PLCE1: variants seen among roughly 807,000 people sequenced by gnomAD.
PLCE1 encodes 1-phosphatidylinositol 4,5-bisphosphate phosphodiesterase epsilon-1.
In PLCE1, 119 loss-of-function variants were observed where a neutral mutation model predicts 242.8. The ratio of observed to expected loss-of-function variants is 0.49; its 90% CI spans 0.42 to 0.57. PLCE1 has a LOEUF of 0.57. PLCE1 is among the 20% of genes least tolerant of loss of function. The pLI is 0.00. For missense variants in PLCE1, 2,441 were observed against 2,788.8 expected, an observed-to-expected ratio of 0.88 and a Z score of 2.81; for synonymous variants, 945 against 1,017.4, an observed-to-expected ratio of 0.93 and a Z score of 1.35.
intron 24 of PLCE1, among the ~76,000 whole-genome samples, chr10:94,304,242 ACT>A (rs1181500092): frequency 6.6e-6 from 1 of 152,214 alleles, no homozygotes; most frequent in Non-Finnish European, 1.5e-5. Context: ...ATATCCATAG[ACT>A]GTAAGCCCCA....
At chr10:94,093,528 AAC>A (rs757535319) in intron 2 of PLCE1, among the ~76,000 whole-genome samples, 4 of 152,240 alleles carry the variant, frequency 2.6e-5, no homozygotes, top group Non-Finnish European at 5.9e-5. Flanking sequence ...CAGCCTCAGA[AAC>A]AGACAGTCAG....
At chr10:94,286,162 T>C (rs2052439929) in intron 22 of PLCE1, among the ~76,000 whole-genome samples, 2 of 152,332 alleles carry the variant, frequency 1.3e-5, no homozygotes, top group East Asian at 3.9e-4. Flanking sequence ...GTGGCTGAGA[T>C]AGGAGGATCA....
intron 2 of PLCE1, among the ~76,000 whole-genome samples, chr10:94,093,313 A>G (rs2045150349): frequency 6.6e-6 from 1 of 152,246 alleles, no homozygotes; most frequent in African/African-American, 2.4e-5. Context: ...AAACCATGTC[A>G]TGTCACTGTT....
chr10:94,296,330 C>A (rs1473589592), intron 23 of PLCE1, among the ~76,000 whole-genome samples: 3 of 146,292 alleles, frequency 2.1e-5, no homozygotes, highest in Non-Finnish European at 3.0e-5. Flanking sequence ...CGCACCACTG[C>A]ACTCCAACTT....
chr10:94,260,892 A>G (rs1313183270), intron 13 of PLCE1, among the ~76,000 whole-genome samples: 4 of 152,104 alleles, frequency 2.6e-5, no homozygotes, highest in African/African-American at 9.7e-5. Flanking sequence ...CAGAGTTCCA[A>G]TATACTCTCT....
rs367775010 is a variant in PLCE1, at chr10:94,171,502, A to C, written c.1809+6A>C. The stretch of plus-strand genomic sequence containing the variant: ...TGGTGATGAGGTTTAATGAGGTAAG[A>C]AGCCACTTTTTGATGTCTTGGTATT... On this transcript the variant is annotated splice_donor_region_variant and intron_variant, in intron 4 of 32. Transcript: ENST00000371380. 1 of 1,611,542 alleles carries C rather than the reference A, an allele frequency of 6.2e-7. No individual in the cohort carries two copies. Among genetic ancestry groups the C allele is most frequent in the Non-Finnish European group, 8.5e-7 (1 of 1,177,646 alleles).
At chr10:94,227,024 C>G in intron 4 of PLCE1, 1 of 363,662 alleles carries the variant, frequency 2.7e-6, no homozygotes, top group South Asian at 2.2e-5. Flanking sequence ...TTATAGGCGC[C>G]TGCCACCATG....
Position 94,262,703 on chromosome 10 carries a change from A to T in PLCE1, c.4024A>T (p.Thr1342Ser). ...CGTGAATTGCCAAGGAGAACACTGCACTTATGATGAAATCCTCAGCATCAT... is the reference window on the plus strand; with the variant it reads ...CGTGAATTGCCAAGGAGAACACTGCTCTTATGATGAAATCCTCAGCATCAT... ...FLVNCQGEHC[T>S]YDEILSIIQK... is the part of the protein sequence containing the mutation. Residue 1342 changes from threonine (T) to serine (S), a missense_variant, in exon 14 of 33, where the codon ACT (threonine) becomes TCT (serine). Thr to Ser is a moderately conservative substitution (Grantham distance 58). Around this residue, in one of 5 missense-constraint regions of PLCE1, gnomAD observed 1,004 missense variants for 1,322.7 expected, o/e 0.76. Coordinates refer to ENST00000371380, the MANE Select transcript of PLCE1 (RefSeq NM_016341.4). 1 of 1,613,748 alleles carries T rather than the reference A, an allele frequency of 6.2e-7. No individual in the cohort carries two copies. The highest frequency in any genetic ancestry group is 1.1e-5 in the South Asian group (1 of 91,070).
intron 3 of PLCE1, among the ~76,000 whole-genome samples, chr10:94,169,502 A>G (rs759081623): frequency 6.6e-5 from 10 of 152,194 alleles, no homozygotes; most frequent in Non-Finnish European, 1.0e-4. Flanking sequence ...TGCCATTCTC[A>G]GGGAAGCAGA....
intron 4 of PLCE1, chr10:94,225,150 A>C (rs1168182781): frequency 1.3e-5 from 2 of 152,224 alleles, no homozygotes; most frequent in African/African-American, 4.8e-5. Context: ...CTCATACCAG[A>C]GAATAGACCT....
chr10:94,218,988 TATAA>T, intron 4 of PLCE1, among the ~76,000 whole-genome samples: 1 of 147,678 alleles, frequency 6.8e-6, no homozygotes, highest in Non-Finnish European at 1.5e-5. Context: ...TATAGTTATA[TATAA>T]ATAATTATTA....
chr10:94,137,997 G>A, intron 3 of PLCE1: 1 of 383,242 alleles, frequency 2.6e-6, no homozygotes, highest in Non-Finnish European at 5.2e-6. Context: ...TCTGAGTACA[G>A]CCAGCAGGCA....
rs1042626874 is a variant in PLCE1, at chr10:94,330,865, C to T, written c.*2922C>T. ...ATAGCCACTATGACTATACCCATTA[C>T]CATTTCACACTTTTTAGGCCACCAG... is the stretch of plus-strand genomic sequence containing the variant. On this transcript the variant is annotated 3_prime_UTR_variant, in exon 33 of 33. Coordinates refer to ENST00000371380, the MANE Select transcript of PLCE1 (RefSeq NM_016341.4). 2 of 152,214 alleles carry T rather than the reference C, an allele frequency of 1.3e-5. No homozygotes were observed. The highest frequency in any genetic ancestry group is 4.8e-5 in the African/African-American group (2 of 41,454). The allele number at this position is 152,214 out of a possible 1,614,324, so 9.4% of individuals were successfully genotyped here. A position where few individuals can be genotyped will look rare whatever the true frequency, so the allele number is the denominator to read the frequency against.
rs146296486 is a variant in PLCE1 at position 94,193,153 on chromosome 10, C to T, written c.1809+21657C>T. On this transcript the variant is annotated intron_variant, in intron 4 of 32. Transcript: ENST00000371380. ...TTGCCAACTCCTGATTAAGATCTTC[C>T]AATGGCCTTTTTTGAACTGGAAGGT... 2.1e-3 allele frequency among the ~76,000 whole-genome samples: 318 copies of T among 152,262 alleles called. 2 individuals carry two copies. Among genetic ancestry groups the T allele is most frequent in the African/African-American group, 7.3e-3 (304 of 41,540 alleles).
At chr10:94,314,381 C>T (rs370729203) in intron 28 of PLCE1, among the ~76,000 whole-genome samples, 1 of 152,114 alleles carries the variant, frequency 6.6e-6, no homozygotes, top group African/African-American at 2.4e-5. Context: ...AGGCGGATCA[C>T]GAGGTCAAGA....
chr10:94,119,100 C>G (rs1394546608), intron 2 of PLCE1, among the ~76,000 whole-genome samples: 1 of 152,216 alleles, frequency 6.6e-6, no homozygotes, highest in African/African-American at 2.4e-5. Context: ...TTGTTACTTA[C>G]CTTGTGAGTA....
chr10:94,277,064 C>T (rs1174958883), intron 19 of PLCE1, among the ~76,000 whole-genome samples: 1 of 152,128 alleles, frequency 6.6e-6, no homozygotes, highest in Non-Finnish European at 1.5e-5. Flanking sequence ...AGGCCGGAGT[C>T]ATTTCCCATA....
intron 2 of PLCE1, among the ~76,000 whole-genome samples, chr10:94,084,450 G>A (rs1237966720): frequency 1.3e-5 from 2 of 152,094 alleles, no homozygotes; most frequent in Non-Finnish European, 2.9e-5. Flanking sequence ...CCCCATCCCC[G>A]GCCACCTATT....
chr10:94,016,370 G>A (rs540249532), intron 1 of PLCE1, among the ~76,000 whole-genome samples: 24 of 152,126 alleles, frequency 1.6e-4, no homozygotes, highest in African/African-American at 4.3e-4. Context: ...CTATCTTGGG[G>A]ATAAGACCTA....
Sources: gnomAD v4.1 joint callset for allele counts (sites outside exome capture counted in the v4.1 genomes callset) on GRCh38, gnomAD v4.1.1 for gene constraint, gnomAD v4.1.1 regional missense constraint, MANE v1.5 for transcripts, NCBI Gene and HGNC (gene_info 2026-07-23, HGNC 2026-07-21) for gene names.